The following TMEM135 variants were observed in gnomAD, a reference collection of about 807,000 sequenced individuals.
The protein encoded by TMEM135 is transmembrane protein 135, also known as peroxisomal membrane protein 52.
A neutral mutation model predicts 60.3 loss-of-function variants in TMEM135; 30 were observed. The ratio of observed to expected loss-of-function variants is 0.50; its 90% CI spans 0.37 to 0.68. The LOEUF (loss-of-function observed/expected upper bound fraction) is 0.68, where lower values mean the gene tolerates loss of function less well. Ranked by LOEUF, TMEM135 falls within the 30% of genes least tolerant of loss-of-function variation. The pLI is 0.00. For missense variants in TMEM135, 468 were observed against 548.8 expected (o/e 0.85, Z 1.47); for synonymous variants, 190 against 186.7 (o/e 1.02, Z -0.14).
intron 3 of TMEM135, among the ~76,000 whole-genome samples, chr11:87,072,965 C>T (rs1266532753): frequency 6.6e-6 from 1 of 152,034 alleles, no homozygotes. Context: ...AGTCATTGGC[C>T]CTCTGGTAAG....
intron 3 of TMEM135, among the ~76,000 whole-genome samples, chr11:87,086,537 C>T (rs1565434716): frequency 6.6e-6 from 1 of 151,682 alleles, no homozygotes; most frequent in Admixed American, 6.6e-5. Flanking sequence ...GGGGGTGGTC[C>T]CCCACCCCCA....
chr11:87,091,273 ATAATT>A, intron 3 of TMEM135, 84 bp from the exon 4 acceptor site: 1 of 1,195,230 alleles, frequency 8.4e-7, no homozygotes, highest in East Asian at 2.5e-5. Flanking sequence ...TTCTGAGAAT[ATAATT>A]CTTTTTATAG....
chr11:87,090,645 T>C (rs1163826268), intron 3 of TMEM135, among the ~76,000 whole-genome samples: 1 of 152,136 alleles, frequency 6.6e-6, no homozygotes, highest in Non-Finnish European at 1.5e-5. Context: ...TCCTAGAGAA[T>C]AGAATGTGCT....
At chr11:87,250,632 G>T (rs1035384452) in intron 6 of TMEM135, among the ~76,000 whole-genome samples, 6 of 152,086 alleles carry the variant, frequency 3.9e-5, no homozygotes, top group African/African-American at 1.2e-4. Flanking sequence ...TCAGAGAAGA[G>T]ACTTGATATG....
At chr11:87,321,039 A>C (rs1942810724) in intron 14 of TMEM135, among the ~76,000 whole-genome samples, 162 bp from the exon 15 acceptor site, 1 of 152,136 alleles carries the variant, frequency 6.6e-6, no homozygotes, top group Non-Finnish European at 1.5e-5. Flanking sequence ...GTGTATCTCG[A>C]AGAAGAGCCT....
At position 87,327,823 on chromosome 11, in the gene TMEM135, T is replaced by A. The variant is rs1163838320; in HGVS notation, c.*6490T>A. 1 of 453,866 alleles carries A rather than the reference T, an allele frequency of 2.2e-6. No individual in the cohort carries two copies. Among genetic ancestry groups the A allele is most frequent in the African/African-American group, 2.0e-5 (1 of 50,026 alleles). 28.1% of individuals were successfully genotyped at this position (453,866 alleles called of 1,614,324 possible). The stretch of plus-strand genomic sequence containing the variant: ...AGTCCCAAGGTTAGAGGATCTGGGG[T>A]CCTAATGTCCATGGGCAGTTGGAGA... On this transcript the variant is annotated 3_prime_UTR_variant, in exon 15 of 15. Coordinates refer to ENST00000305494, the MANE Select transcript of TMEM135 (RefSeq NM_022918.4).
intron 5 of TMEM135, among the ~76,000 whole-genome samples, chr11:87,159,196 T>G (rs117538670): frequency 6.6e-6 from 1 of 152,196 alleles, no homozygotes; most frequent in East Asian, 1.9e-4. Context: ...TCAGACAAAG[T>G]GTTTAAGCAC....
At chr11:87,294,900 T>C (rs560836107) in intron 6 of TMEM135, among the ~76,000 whole-genome samples, 1 of 152,306 alleles carries the variant, frequency 6.6e-6, no homozygotes, top group Non-Finnish European at 1.5e-5. Flanking sequence ...TGAGAATCTT[T>C]TTTTCTTAAC....
intron 5 of TMEM135, among the ~76,000 whole-genome samples, chr11:87,176,374 C>T (rs1415861550): frequency 6.6e-6 from 1 of 151,998 alleles, no homozygotes; most frequent in East Asian, 1.9e-4. Context: ...ATATGCTAGC[C>T]CCATGTGTCT....
chr11:87,307,456 A>G (rs1423905131), intron 9 of TMEM135, among the ~76,000 whole-genome samples: 1 of 152,066 alleles, frequency 6.6e-6, no homozygotes, highest in Non-Finnish European at 1.5e-5. Flanking sequence ...TTCCAACTGA[A>G]CATGATTGTA....
At chr11:87,053,645 G>T (rs115625614) in intron 1 of TMEM135, among the ~76,000 whole-genome samples, 1,947 of 152,200 alleles carry the variant, frequency 0.013, 49 homozygotes, top group African/African-American at 0.044. Context: ...TGTGAAATAT[G>T]TTTTCATCCC....
chr11:87,071,426 T>G, intron 2 of TMEM135, 97 bp from the exon 3 acceptor site: 1 of 897,042 alleles, frequency 1.1e-6, no homozygotes, highest in Non-Finnish European at 1.9e-6. Context: ...TGTGGTACAT[T>G]TAAATAGAGT....
chr11:87,133,380 C>A (rs7949278), intron 4 of TMEM135, among the ~76,000 whole-genome samples: 72,373 of 151,846 alleles, frequency 0.48, 17,540 homozygotes, highest in East Asian at 0.67. Context: ...TTTCTTCATG[C>A]TCCTTGGTAA....
intron 4 of TMEM135, among the ~76,000 whole-genome samples, chr11:87,147,553 C>T (rs549272121): frequency 6.6e-6 from 1 of 152,076 alleles, no homozygotes; most frequent in East Asian, 1.9e-4. Flanking sequence ...CATAGCAGAA[C>T]ATAGAAAATA....
At chr11:87,076,112 G>A (rs1856866395) in intron 3 of TMEM135, among the ~76,000 whole-genome samples, 1 of 152,202 alleles carries the variant, frequency 6.6e-6, no homozygotes, top group African/African-American at 2.4e-5. Context: ...GCCAGGTTTT[G>A]TCCTTCCCTC....
At position 87,323,652 on chromosome 11, in the gene TMEM135, A is replaced by G; in HGVS notation, c.*2319A>G. 2.2e-6 allele frequency: 1 copy of G among 453,696 alleles called. No individual in the cohort carries two copies. Among genetic ancestry groups the G allele is most frequent in the Non-Finnish European group, 4.4e-6 (1 of 226,662 alleles). 28.1% of individuals were successfully genotyped at this position (453,696 alleles called of 1,614,324 possible). A position where few individuals can be genotyped will look rare whatever the true frequency, so the allele number is the denominator to read the frequency against. ...TTTTTATATAGATTGAGATTGAAAA[A>G]CCGTGCATTTGGGGCAGTGGTATTA... On this transcript the variant is annotated 3_prime_UTR_variant, in exon 15 of 15. Coordinates refer to ENST00000305494, the MANE Select transcript of TMEM135 (RefSeq NM_022918.4).
At chr11:87,253,975 A>G (rs2135394385) in intron 6 of TMEM135, among the ~76,000 whole-genome samples, 1 of 152,182 alleles carries the variant, frequency 6.6e-6, no homozygotes, top group Non-Finnish European at 1.5e-5. Context: ...CAGTCCACAG[A>G]TTTTAAAAAA....
chr11:87,259,749 C>T (rs1019723861), intron 6 of TMEM135, among the ~76,000 whole-genome samples: 2 of 152,166 alleles, frequency 1.3e-5, no homozygotes, highest in African/African-American at 4.8e-5. Flanking sequence ...AGTCACTGAG[C>T]CAGGAAAATG....
chr11:87,177,051 A>G (rs989912771), intron 5 of TMEM135, among the ~76,000 whole-genome samples: 4 of 152,196 alleles, frequency 2.6e-5, no homozygotes, highest in Non-Finnish European at 5.9e-5. Context: ...TTGTAAAATC[A>G]TCAAGTGAAA....
Sources: gnomAD v4.1 joint callset for allele counts (sites outside exome capture counted in the v4.1 genomes callset) on GRCh38, gnomAD v4.1.1 for gene constraint, MANE v1.5 for transcripts, NCBI Gene and HGNC (gene_info 2026-07-23, HGNC 2026-07-21) for gene names.